CDH4: variants seen among roughly 807,000 people sequenced by gnomAD.
CDH4 encodes cadherin-4.
CDH4 carries 33 observed loss-of-function variants against 86.0 expected under a neutral mutation model. That is an observed-to-expected ratio of 0.38 (90% confidence interval 0.29 to 0.51). CDH4 has a LOEUF of 0.51. Ranked by LOEUF, CDH4 falls within the 20% of genes least tolerant of loss-of-function variation. The pLI is 0.86. For synonymous variants in CDH4, 555 were observed against 549.4 expected (o/e 1.01, Z -0.14); for missense variants, 1,114 against 1,307.4 (o/e 0.85, Z 2.28).
intron 2 of CDH4, among the ~76,000 whole-genome samples, chr20:61,449,100 C>T (rs1289661635): frequency 6.6e-6 from 1 of 152,166 alleles, no homozygotes; most frequent in African/African-American, 2.4e-5. Context: ...GGCACCTGCC[C>T]ACTGTGTGCA....
intron 6 of CDH4, among the ~76,000 whole-genome samples, chr20:61,869,437 T>C (rs901460397): frequency 6.6e-6 from 1 of 152,202 alleles, no homozygotes; most frequent in African/African-American, 2.4e-5. Flanking sequence ...GTCCAGCCCT[T>C]TACAGAAAGT....
chr20:61,344,776 C>T (rs2084668012), intron 2 of CDH4, among the ~76,000 whole-genome samples: 1 of 152,180 alleles, frequency 6.6e-6, no homozygotes, highest in South Asian at 2.1e-4. Context: ...GTCTGTAATA[C>T]TAACACAAGC....
chr20:61,742,185 C>G (rs2088348830), intron 2 of CDH4, among the ~76,000 whole-genome samples: 1 of 152,026 alleles, frequency 6.6e-6, no homozygotes, highest in Admixed American at 6.5e-5. Context: ...CGGGGAGCCA[C>G]AGCAGACCCT....
intron 3 of CDH4, among the ~76,000 whole-genome samples, chr20:61,768,613 T>G (rs928537721): frequency 5.3e-5 from 8 of 152,182 alleles, no homozygotes; most frequent in Non-Finnish European, 7.3e-5. Flanking sequence ...TATGCATCAG[T>G]GTTTATGTGA....
chr20:61,266,532 G>A (rs966109151), intron 2 of CDH4, among the ~76,000 whole-genome samples: 2 of 151,918 alleles, frequency 1.3e-5, no homozygotes, highest in East Asian at 3.9e-4. Context: ...GTTGGTGCAT[G>A]AGTTTGCTAG....
intron 2 of CDH4, among the ~76,000 whole-genome samples, chr20:61,556,365 G>A (rs944079688): frequency 2.0e-5 from 3 of 152,060 alleles, no homozygotes; most frequent in African/African-American, 4.8e-5. Flanking sequence ...GAGAGGCTCC[G>A]GGGGGCAGGG....
chr20:61,901,496 C>CG (rs891533500), intron 8 of CDH4, among the ~76,000 whole-genome samples: 2 of 152,260 alleles, frequency 1.3e-5, no homozygotes, highest in African/African-American at 2.4e-5. Context: ...CCAGCCCCGT[C>CG]GGGGGGCGCA....
intron 2 of CDH4, among the ~76,000 whole-genome samples, chr20:61,406,419 C>T (rs2085082986): frequency 6.6e-6 from 1 of 150,420 alleles, no homozygotes; most frequent in Admixed American, 6.6e-5. Flanking sequence ...ACCATCTGCT[C>T]TGCCCGGACC....
intron 9 of CDH4, among the ~76,000 whole-genome samples, chr20:61,920,670 A>C (rs1030264936): frequency 7.2e-6 from 1 of 139,390 alleles, no homozygotes; most frequent in Non-Finnish European, 1.5e-5. Flanking sequence ...CAGTGACTGC[A>C]TGGAAGCGTG....
chr20:61,873,540 T>C (rs1226980569), intron 6 of CDH4, among the ~76,000 whole-genome samples, 188 bp from the exon 7 acceptor site: 1 of 152,250 alleles, frequency 6.6e-6, no homozygotes, highest in Non-Finnish European at 1.5e-5. Context: ...AATCCTTCTA[T>C]GATTCTATAA....
At chr20:61,294,996 G>A (rs2084344573) in intron 2 of CDH4, among the ~76,000 whole-genome samples, 2 of 152,220 alleles carry the variant, frequency 1.3e-5, no homozygotes, top group Non-Finnish European at 1.5e-5. Context: ...AAGTGAGCCC[G>A]CGAGAATGTC....
chr20:61,545,616 C>A (rs1038363372), intron 2 of CDH4, among the ~76,000 whole-genome samples: 6 of 152,120 alleles, frequency 3.9e-5, no homozygotes, highest in Non-Finnish European at 5.9e-5. Context: ...CTCTTTTTGT[C>A]TTTCACTGTC....
At chr20:61,718,864 T>C (rs917154012) in intron 2 of CDH4, 11 of 470,998 alleles carry the variant, frequency 2.3e-5, no homozygotes, top group Non-Finnish European at 4.4e-5. Flanking sequence ...TCACTGTTCC[T>C]GCTGTCAGGC....
chr20:61,855,504 C>G lies in CDH4; in HGVS notation c.877+2606C>G, dbSNP rs544044056. Reference sequence around the variant, plus strand: ...CAGATGTGGAGGAGTGGGCGGCAGGCCAGGCACACTCCTCACACAGATACC... The same window carrying G: ...CAGATGTGGAGGAGTGGGCGGCAGGGCAGGCACACTCCTCACACAGATACC... On this transcript the variant is annotated intron_variant, in intron 6 of 15. Coordinates refer to ENST00000614565, the MANE Select transcript of CDH4 (RefSeq NM_001794.5). 8.4e-4 allele frequency among the ~76,000 whole-genome samples: 128 copies of G among 152,254 alleles called. No individual in the cohort carries two copies. In the Middle Eastern group the frequency reaches 0.01, roughly 12 times the overall value.
intron 2 of CDH4, among the ~76,000 whole-genome samples, chr20:61,422,881 C>T (rs2069789399): frequency 6.6e-6 from 1 of 152,170 alleles, no homozygotes; most frequent in African/African-American, 2.4e-5. Flanking sequence ...CTGGGAAGCC[C>T]CGCCCTCTTG....
chr20:61,871,941 G>T (rs6121479), intron 6 of CDH4, among the ~76,000 whole-genome samples: 2 of 152,132 alleles, frequency 1.3e-5, no homozygotes, highest in South Asian at 4.1e-4. Flanking sequence ...GACACACCCA[G>T]GGTTCCCCTG....
At chr20:61,612,264 T>C (rs1403924140) in intron 2 of CDH4, among the ~76,000 whole-genome samples, 1 of 152,172 alleles carries the variant, frequency 6.6e-6, no homozygotes, top group Non-Finnish European at 1.5e-5. Flanking sequence ...TACTTCAAAA[T>C]ATACAATACA....
rs2085316803 is a variant in CDH4, at chr20:61,441,916, C to T, written c.169+186979C>T. Among the ~76,000 whole-genome samples the T allele has an allele frequency of 2.6e-5, 4 of 152,192 alleles. No homozygotes were observed. In the South Asian group the frequency reaches 8.3e-4, roughly 32 times the overall value. On this transcript the variant is annotated intron_variant, in intron 2 of 15. Coordinates refer to ENST00000614565, the MANE Select transcript of CDH4 (RefSeq NM_001794.5). ...GCACGTTCATCCAGGTTCTCTCCAA[C>T]CCTTCTTTACTAACAGGACATAGCT...
chr20:61,464,859 C>T (rs1442934668), intron 2 of CDH4, among the ~76,000 whole-genome samples: 1 of 152,188 alleles, frequency 6.6e-6, no homozygotes, highest in Non-Finnish European at 1.5e-5. Flanking sequence ...AACTAATTTT[C>T]ACTGAGAACA....
Sources: allele counts gnomAD v4.1 joint callset (sites outside exome capture counted in the v4.1 genomes callset), GRCh38; gene constraint gnomAD v4.1.1; transcripts MANE v1.5; gene names NCBI Gene and HGNC (gene_info 2026-07-23, HGNC 2026-07-21).